The following CD69 variants were observed in gnomAD, a reference collection of about 807,000 sequenced individuals.
The protein encoded by CD69 is early activation antigen CD69.
A neutral mutation model predicts 21.4 loss-of-function variants in CD69; 10 were observed. That is an observed-to-expected ratio of 0.47 (90% CI 0.29 to 0.79). The LOEUF (loss-of-function observed/expected upper bound fraction) is 0.79, where lower values mean the gene tolerates loss of function less well. CD69 is among the 30% of genes least tolerant of loss of function. CD69 has a pLI of 0.09. For synonymous variants in CD69, 63 were observed against 78.2 expected (o/e 0.81, Z 1.03); for missense variants, 204 against 236.9 (o/e 0.86, Z 0.91).
At position 9,753,445 on chromosome 12, in the gene CD69, A is replaced by C; in HGVS notation, c.*36T>G. The C allele has an allele frequency of 2.2e-6, 2 of 908,894 alleles. 1 individual carries two copies. The highest frequency in any genetic ancestry group is 3.0e-5 in the South Asian group (2 of 67,690). The allele number at this position is 908,894 out of a possible 1,614,324, so 56.3% of individuals were successfully genotyped here. A position where few individuals can be genotyped will look rare whatever the true frequency, so the allele number is the denominator to read the frequency against. On this transcript the variant is annotated 3_prime_UTR_variant, in exon 5 of 5. Coordinates refer to ENST00000228434, the MANE Select transcript of CD69 (RefSeq NM_001781.2). ...ACTGACACAGATTTCCTTGAGTTCC[A>C]TTCTATAATAGTCAATAAGTGAACA... is the stretch of plus-strand genomic sequence containing the variant.
rs1165153698 is a variant in CD69 at position 9,753,385 on chromosome 12, C to G, written c.*96G>C. 4.0e-6 allele frequency: 2 copies of G among 495,080 alleles called. No homozygotes were observed. Among genetic ancestry groups the G allele is most frequent in the Non-Finnish European group, 7.2e-6 (2 of 276,970 alleles). The allele number at this position is 495,080 out of a possible 1,614,324, so 30.7% of individuals were successfully genotyped here. A position where few individuals can be genotyped will look rare whatever the true frequency, so the allele number is the denominator to read the frequency against. ...ACTATAAAATTTTTTTTCACAAAGTCTCTATGGAAGACTTCGGACCACAGA... is the reference window on the plus strand; with the variant it reads ...ACTATAAAATTTTTTTTCACAAAGTGTCTATGGAAGACTTCGGACCACAGA... On this transcript the variant is annotated 3_prime_UTR_variant, in exon 5 of 5. Coordinates refer to ENST00000228434, the MANE Select transcript of CD69 (RefSeq NM_001781.2).
intron 2 of CD69, 152 bp from the exon 3 acceptor site, chr12:9,755,413 GA>G (rs1866671788): frequency 1.5e-6 from 1 of 647,032 alleles, no homozygotes; most frequent in Non-Finnish European, 2.7e-6. Flanking sequence ...TATGAAGAAA[GA>G]AAGTTCTCAG....
intron 1 of CD69, among the ~76,000 whole-genome samples, chr12:9,759,140 A>G (rs3136564): frequency 0.11 from 16,747 of 152,026 alleles, 931 homozygotes; most frequent in Middle Eastern, 0.18. Context: ...CGTGTTAGCC[A>G]GGATGGTCTC....
chr12:9,753,532 G>T lies in CD69; in HGVS notation c.549C>A (p.Ser183Arg). The T allele has an allele frequency of 6.3e-7, 1 of 1,587,408 alleles. No individual in the cohort carries two copies. The highest frequency in any genetic ancestry group is 8.6e-7 in the Non-Finnish European group (1 of 1,157,390). Reference sequence around the variant, plus strand: ...AGTATAAATTCTTCTCACATTCCATGCTGCTGACCTCTGTGTTTTTCAGAA... The same window carrying T: ...AGTATAAATTCTTCTCACATTCCATTCTGCTGACCTCTGTGTTTTTCAGAA... ...CVFLKNTEVSSMECEKNLYWI... is the reference protein window; with the variant it reads ...CVFLKNTEVSRMECEKNLYWI... Residue 183 changes from serine to arginine, a missense_variant, in exon 5 of 5, where the codon AGC (serine) becomes AGA (arginine). Coordinates refer to ENST00000228434, the MANE Select transcript of CD69 (RefSeq NM_001781.2).
chr12:9,758,968 C>T (rs1034587479), intron 1 of CD69, among the ~76,000 whole-genome samples: 1 of 150,912 alleles, frequency 6.6e-6, no homozygotes, highest in Non-Finnish European at 1.5e-5. Context: ...CTCGCTCTGT[C>T]GTCCAGGCTG....
chr12:9,756,178 T>C, intron 2 of CD69, 119 bp downstream of exon 2: 1 of 832,510 alleles, frequency 1.2e-6, no homozygotes, highest in Non-Finnish European at 1.8e-6. Flanking sequence ...ATATGGTACA[T>C]GGGATGATTC....
chr12:9,754,483 G>A, intron 4 of CD69, 104 bp downstream of exon 4: 1 of 724,582 alleles, frequency 1.4e-6, no homozygotes, highest in Non-Finnish European at 2.5e-6. Flanking sequence ...TAGAGCTCTT[G>A]AAGAGCTCAG....
chr12:9,756,373 G>T lies in CD69; in HGVS notation c.111C>A (p.Phe37Leu). The T allele has an allele frequency of 6.2e-7, 1 of 1,613,798 alleles. No homozygotes were observed. The highest frequency in any genetic ancestry group is 8.5e-7 in the Non-Finnish European group (1 of 1,179,744). ...TTACAGCACACAGGACAGGAACTTG[G>T]AAGGACCCTTCATGACGTGTTGAGA... is the stretch of plus-strand genomic sequence containing the variant. ...PHFSTRHEGS[F>L]QVPVLCAVMN... Residue 37 changes from phenylalanine to leucine, a missense_variant, in exon 2 of 5, where the codon TTC becomes TTA. Phe to Leu is a conservative substitution (Grantham distance 22). Coordinates refer to ENST00000228434, the MANE Select transcript of CD69 (RefSeq NM_001781.2).
Position 9,755,193 on chromosome 12 carries a change from A to G in CD69, c.256T>C (p.Ser86Pro), listed in dbSNP as rs770172111. 1 of 1,614,098 alleles carries G rather than the reference A, an allele frequency of 6.2e-7. No individual in the cohort carries two copies. The highest frequency in any genetic ancestry group is 8.5e-7 in the Non-Finnish European group (1 of 1,179,958). Residue 86 changes from serine (S) to proline (P), a missense_variant, in exon 3 of 5, where the codon TCT (serine) becomes CCT (proline). Coordinates refer to ENST00000228434, the MANE Select transcript of CD69 (RefSeq NM_001781.2). ...MPSDSHVSSC[S>P]EDWVGYQRKC... Reference sequence around the variant, plus strand: ...CTCTGGTAGCCAACCCAGTCCTCAGAGCATGAAGAAACATGGCTGTCTGAT... The same window carrying G: ...CTCTGGTAGCCAACCCAGTCCTCAGGGCATGAAGAAACATGGCTGTCTGAT...
chr12:9,756,959 G>A (rs1442320048), intron 1 of CD69, among the ~76,000 whole-genome samples: 1 of 152,042 alleles, frequency 6.6e-6, no homozygotes, highest in Non-Finnish European at 1.5e-5. Context: ...ACGCACTTGT[G>A]TTCCCAGCTA....
intron 1 of CD69, among the ~76,000 whole-genome samples, chr12:9,757,308 ATAT>A (rs1281221290): frequency 6.6e-6 from 1 of 152,186 alleles, no homozygotes; most frequent in Non-Finnish European, 1.5e-5. Context: ...GAATTTTCAG[ATAT>A]TATTGGTGGG....
intron 1 of CD69, among the ~76,000 whole-genome samples, chr12:9,757,869 T>G (rs185122162): frequency 2.2e-3 from 333 of 152,318 alleles, no homozygotes; most frequent in African/African-American, 7.9e-3. Flanking sequence ...CGTTAAACTG[T>G]ATACCTACGA....
Position 9,760,785 on chromosome 12 carries a change from G to A in CD69, c.36C>T (p.Ser12=), listed in dbSNP as rs1866727628. The change falls in exon 1 of 5, where the codon AGC becomes AGT. Residue 12 remains serine, a synonymous_variant. Transcript: ENST00000228434. ...SSENCFVAEN[S]SLHPESGQEN... ...CTTGTCCACTCTCCGGATGCAAAGAGCTGTTCTCTGCTACGAAACAATTTT... is the reference window on the plus strand; with the variant it reads ...CTTGTCCACTCTCCGGATGCAAAGAACTGTTCTCTGCTACGAAACAATTTT... The A allele has an allele frequency of 4.3e-6, 7 of 1,612,766 alleles. No homozygotes were observed. Among genetic ancestry groups the A allele is most frequent in the Non-Finnish European group, 5.9e-6 (7 of 1,179,800 alleles).
chr12:9,754,515 G>C (rs1565488700), intron 4 of CD69, 72 bp downstream of exon 4: 6 of 857,894 alleles, frequency 7.0e-6, no homozygotes, highest in Non-Finnish European at 1.0e-5. Flanking sequence ...AAAGTGCTTT[G>C]AAAGGAGAAA....
chr12:9,759,554 A>G (rs1173383324), intron 1 of CD69, among the ~76,000 whole-genome samples: 1 of 149,626 alleles, frequency 6.7e-6, no homozygotes, highest in Non-Finnish European at 1.5e-5. Flanking sequence ...GGCTCGCCTG[A>G]TTACCTGAAA....
In CD69 at chr12:9,755,273, A is replaced by G. The variant is rs762807243; in HGVS notation, c.188-12T>C. The G allele has an allele frequency of 6.2e-7, 1 of 1,611,624 alleles. No individual in the cohort carries two copies. Among genetic ancestry groups the G allele is most frequent in the East Asian group, 2.2e-5 (1 of 44,864 alleles). The stretch of plus-strand genomic sequence containing the variant: ...ATTGTATTGGCCCACTGTGAACAGA[A>G]AAATGCTTTGTTTTAGTAACAAAAG... On this transcript the variant is annotated splice_polypyrimidine_tract_variant and intron_variant, in intron 2 of 4. Coordinates refer to ENST00000228434, the MANE Select transcript of CD69 (RefSeq NM_001781.2).
At position 9,760,657 on chromosome 12, in the gene CD69, A is replaced by G. The variant is rs1373210999; in HGVS notation, c.64+100T>C. On this transcript the variant is annotated intron_variant, in intron 1 of 4. Coordinates refer to ENST00000228434, the MANE Select transcript of CD69 (RefSeq NM_001781.2). ...TAGCAGTATATTTCTCTAAGATTAT[A>G]TATCATATATAGAGAGATTACCAGT... 8 of 820,984 alleles carry G rather than the reference A, an allele frequency of 9.7e-6. No individual in the cohort carries two copies. In the East Asian group the frequency reaches 1.8e-4, roughly 19 times the overall value. 50.9% of individuals were successfully genotyped at this position (820,984 alleles called of 1,614,324 possible).
chr12:9,755,148 T>C lies in CD69; in HGVS notation c.301A>G (p.Thr101Ala), dbSNP rs1401085333. Residue 101 changes from threonine to alanine, a missense_variant, in exon 3 of 5, where the codon ACT becomes GCT. Transcript: ENST00000228434. ...GYQRKCYFIS[T>A]VKRSWTSAQN... ...GCTGAAGTCCAGCTCCTCTTCACAG[T>C]AGAAATAAAGTAGCATTTCCTCTGG... 2 of 1,614,018 alleles carry C rather than the reference T, an allele frequency of 1.2e-6. No homozygotes were observed. The highest frequency in any genetic ancestry group is 3.3e-5 in the Admixed American group (2 of 60,006).
At position 9,756,383 on chromosome 12, in the gene CD69, T is replaced by C; in HGVS notation, c.101A>G (p.Glu34Gly). Residue 34 changes from glutamate to glycine, a missense_variant, in exon 2 of 5, where the codon GAA becomes GGA. By Grantham distance (98) the Glu-to-Gly change is moderately conservative (BLOSUM62 -2). Coordinates refer to ENST00000228434, the MANE Select transcript of CD69 (RefSeq NM_001781.2). ...CAGGACAGGAACTTGGAAGGACCCT[T>C]CATGACGTGTTGAGAAATGGGGACT... ...ATSPHFSTRH[E>G]GSFQVPVLCA... 2 of 1,613,824 alleles carry C rather than the reference T, an allele frequency of 1.2e-6. No individual in the cohort carries two copies. Among genetic ancestry groups the C allele is most frequent in the Middle Eastern group, 1.7e-4 (1 of 6,060 alleles).
Sources: gnomAD v4.1 joint callset for allele counts (sites outside exome capture counted in the v4.1 genomes callset) on GRCh38, gnomAD v4.1.1 for gene constraint, MANE v1.5 for transcripts, NCBI Gene and HGNC (gene_info 2026-07-23, HGNC 2026-07-21) for gene names.